NPRL3: variants seen among roughly 807,000 people sequenced by gnomAD.
NPRL3 encodes the protein GATOR1 complex protein NPRL3.
A neutral mutation model predicts 57.2 loss-of-function variants in NPRL3; 23 were observed. The observed-to-expected ratio is 0.40, with a 90% CI of 0.29 to 0.57. The LOEUF is 0.57. NPRL3 is among the 20% of genes least tolerant of loss of function. The pLI, the probability that NPRL3 is intolerant of heterozygous loss-of-function variation, is 0.42. For synonymous variants in NPRL3, 333 were observed against 321.1 expected (o/e 1.04, Z -0.39); for missense variants, 691 against 767.1 (o/e 0.90, Z 1.17).
In NPRL3 at chr16:98,354, G is replaced by A. The variant is rs2541616; in HGVS notation, c.768-53C>T. 1,324,470 of 1,550,148 alleles carry A rather than the reference G, an allele frequency of 0.85. 567,642 individuals are homozygous for A. The highest frequency in any genetic ancestry group is 0.88 in the Admixed American group (48,148 of 54,778). ...ACACGAAGTGCAGGAACCCTGCACC[G>A]GGTATGCACCAGGTCCTGCACCAGG... On this transcript the variant is annotated intron_variant, in intron 8 of 13. Coordinates refer to ENST00000611875, the MANE Select transcript of NPRL3 (RefSeq NM_001077350.3).
At chr16:91,440 G>A (rs1298207205) in intron 11 of NPRL3, among the ~76,000 whole-genome samples, 5 of 152,210 alleles carry the variant, frequency 3.3e-5, no homozygotes, top group Non-Finnish European at 7.3e-5. Flanking sequence ...GAACCTGGCT[G>A]ACCTAGGCCC....
At chr16:117,586 G>A (rs765812751) in intron 4 of NPRL3, among the ~76,000 whole-genome samples, 50 of 152,002 alleles carry the variant, frequency 3.3e-4, no homozygotes, top group African/African-American at 7.5e-4. Context: ...TGACCCCCTC[G>A]CCCCCCCGCT....
chr16:111,886 CT>C (rs1899831664), intron 6 of NPRL3, among the ~76,000 whole-genome samples: 1 of 152,186 alleles, frequency 6.6e-6, no homozygotes, highest in Non-Finnish European at 1.5e-5. Context: ...CTAATTCTCT[CT>C]TTTGTTATAG....
chr16:113,212 T>C (rs1408408725), intron 5 of NPRL3, among the ~76,000 whole-genome samples: 1 of 152,216 alleles, frequency 6.6e-6, no homozygotes, highest in Non-Finnish European at 1.5e-5. Flanking sequence ...ACTGTACTGC[T>C]GACTACTGGT....
chr16:131,182 A>C (rs889806272), intron 2 of NPRL3, among the ~76,000 whole-genome samples: 10 of 152,314 alleles, frequency 6.6e-5, no homozygotes, highest in African/African-American at 9.6e-5. Context: ...TAAAAATACA[A>C]AAATTAGCCG....
chr16:128,028 G>A (rs1416162947), intron 3 of NPRL3, among the ~76,000 whole-genome samples: 1 of 137,856 alleles, frequency 7.3e-6, no homozygotes, highest in African/African-American at 2.7e-5. Flanking sequence ...CTCTCGTTCT[G>A]TTGCCCAAAC....
chr16:92,642 A>AC lies in NPRL3; in HGVS notation c.1114dup (p.Val372GlyfsTer7). 6.2e-7 allele frequency: 1 copy of AC among 1,613,786 alleles called. No individual in the cohort carries two copies. Among genetic ancestry groups the AC allele is most frequent in the South Asian group, 1.1e-5 (1 of 91,038 alleles). ...GGGATTCCTAAATTCTGACAAGGAG[A>AC]CCGGCAAGGAGAACTTGGCAAGAAC... On this transcript the variant is annotated frameshift_variant, in exon 11 of 14. Coordinates refer to ENST00000611875, the MANE Select transcript of NPRL3 (RefSeq NM_001077350.3). LOFTEE classifies it high-confidence loss of function.
At chr16:115,858 T>C (rs1900010042) in intron 5 of NPRL3, among the ~76,000 whole-genome samples, 1 of 152,236 alleles carries the variant, frequency 6.6e-6, no homozygotes, top group Admixed American at 6.5e-5. Context: ...TTCTCACCCT[T>C]GATGGCAAGA....
intron 2 of NPRL3, among the ~76,000 whole-genome samples, chr16:135,959 G>T (rs1000355118): frequency 1.3e-5 from 2 of 151,274 alleles, no homozygotes; most frequent in African/African-American, 4.9e-5. Flanking sequence ...TCCAAAAACA[G>T]GAAAATATGC....
intron 13 of NPRL3, among the ~76,000 whole-genome samples, chr16:88,387 C>CAAA (rs56670370): frequency 0.01 from 1,368 of 130,824 alleles, 50 homozygotes; most frequent in African/African-American, 0.041. Flanking sequence ...GACTCCGTCT[C>CAAA]AAAAAAAAAA....
intron 7 of NPRL3, among the ~76,000 whole-genome samples, chr16:102,474 A>T (rs2541615): frequency 0.045 from 6,838 of 152,270 alleles, 229 homozygotes; most frequent in African/African-American, 0.088. Flanking sequence ...TCACAATGAC[A>T]CCAGTTCTAA....
At chr16:127,479 C>G (rs1900575710) in intron 3 of NPRL3, among the ~76,000 whole-genome samples, 1 of 152,054 alleles carries the variant, frequency 6.6e-6, no homozygotes. Context: ...AAGTGATCCC[C>G]CCGCCTTGGA....
At chr16:89,672 C>G in intron 12 of NPRL3, 41 bp downstream of exon 12, 1 of 1,459,546 alleles carries the variant, frequency 6.9e-7, no homozygotes, top group Non-Finnish European at 9.0e-7. Context: ...CACCCCCAAG[C>G]GTCTCCCCTG....
chr16:130,665 T>C, intron 2 of NPRL3, 74 bp from the exon 3 acceptor site: 1 of 1,403,662 alleles, frequency 7.1e-7, no homozygotes, highest in Non-Finnish European at 9.8e-7. Context: ...TATGGAACCG[T>C]TAACAGCCAT....
At chr16:89,558 A>C (rs1229448720) in intron 12 of NPRL3, 155 bp downstream of exon 12, 1 of 639,432 alleles carries the variant, frequency 1.6e-6, no homozygotes, top group African/African-American at 1.9e-5. Context: ...AGGAGACAGG[A>C]GAGGTGTCTC....
chr16:93,333 C>G lies in NPRL3; in HGVS notation c.925-8G>C. On this transcript the variant is annotated splice_region_variant and splice_polypyrimidine_tract_variant and intron_variant, in intron 9 of 13. Coordinates refer to ENST00000611875, the MANE Select transcript of NPRL3 (RefSeq NM_001077350.3). The stretch of plus-strand genomic sequence containing the variant: ...AGCTGCAAGCTGGAAAACCTGCAGG[C>G]AAAAGGGAAGCTGCAAGGACCATGC... 1 of 1,538,092 alleles carries G rather than the reference C, an allele frequency of 6.5e-7. No homozygotes were observed. The highest frequency in any genetic ancestry group is 8.8e-7 in the Non-Finnish European group (1 of 1,134,278).
At chr16:89,116 G>A in intron 12 of NPRL3, 3 of 572,482 alleles carry the variant, frequency 5.2e-6, no homozygotes, top group Non-Finnish European at 9.4e-6. Context: ...CAACCTCAAG[G>A]GACCTGAACA....
intron 5 of NPRL3, among the ~76,000 whole-genome samples, chr16:114,336 C>G (rs1899939836): frequency 1.3e-5 from 2 of 152,174 alleles, no homozygotes; most frequent in African/African-American, 4.8e-5. Context: ...AAGCTAACAC[C>G]TAGGGTGTGC....
chr16:128,661 C>T (rs772751710), intron 3 of NPRL3, among the ~76,000 whole-genome samples: 2 of 151,970 alleles, frequency 1.3e-5, no homozygotes, highest in Admixed American at 6.6e-5. Context: ...CCAGCTACTC[C>T]GGAGGCTGAG....
Sources: gnomAD v4.1 joint callset for allele counts (sites outside exome capture counted in the v4.1 genomes callset) on GRCh38, gnomAD v4.1.1 for gene constraint, MANE v1.5 for transcripts, NCBI Gene and HGNC (gene_info 2026-07-23, HGNC 2026-07-21) for gene names.